CSMD1: variants seen among roughly 807,000 people sequenced by gnomAD.
CSMD1 encodes the protein CUB and sushi domain-containing protein 1.
Under a neutral mutation model 417.5 loss-of-function variants are expected in CSMD1, and 213 were observed. That is an observed-to-expected ratio of 0.51 (90% confidence interval 0.46 to 0.57). The LOEUF (loss-of-function observed/expected upper bound fraction) is 0.57, where lower values mean the gene tolerates loss of function less well. Ranked by LOEUF, CSMD1 falls within the 20% of genes least tolerant of loss-of-function variation. The probability of loss-of-function intolerance (pLI) is 0.00; values close to 1 mark genes in which losing one functional copy is unlikely to be tolerated. For missense variants in CSMD1, 6,923 were observed against 4,529.7 expected, an observed-to-expected ratio of 1.53 and a Z score of -15.17; for synonymous variants, 2,862 against 1,736.8, an observed-to-expected ratio of 1.65 and a Z score of -16.11.
chr8:4,935,211 G>A (rs1461748926), intron 1 of CSMD1, among the ~76,000 whole-genome samples: 1 of 152,134 alleles, frequency 6.6e-6, no homozygotes, highest in Non-Finnish European at 1.5e-5. Flanking sequence ...CTTCCCATAT[G>A]TGGTCCCTGG....
rs1185997648 is a variant in CSMD1, at chr8:4,056,420, T to A, written c.416-24321A>T. Among the ~76,000 whole-genome samples the A allele has an allele frequency of 3.3e-5, 5 of 151,614 alleles. No individual in the cohort carries two copies. The Middle Eastern group carries it at 9.6e-3, about 290-fold the overall frequency. On this transcript the variant is annotated intron_variant, in intron 3 of 69. Coordinates refer to ENST00000635120, the MANE Select transcript of CSMD1 (RefSeq NM_033225.6). Reference sequence around the variant, plus strand: ...TTCTTTTTTTTTTCTTTTTTTTTTGTTTGTGCCAAACTAACATTAAAATTT... The same window carrying A: ...TTCTTTTTTTTTTCTTTTTTTTTTGATTGTGCCAAACTAACATTAAAATTT...
At chr8:3,269,628 T>C (rs1376215451) in intron 26 of CSMD1, among the ~76,000 whole-genome samples, 1 of 152,210 alleles carries the variant, frequency 6.6e-6, no homozygotes, top group Non-Finnish European at 1.5e-5. Flanking sequence ...GAGCCATTTT[T>C]CCCTGGGACT....
chr8:4,031,979 C>A lies in CSMD1; in HGVS notation c.536G>T (p.Gly179Val), dbSNP rs1419430946. 5 of 1,613,848 alleles carry A rather than the reference C, an allele frequency of 3.1e-6. No individual in the cohort carries two copies. The highest frequency in any genetic ancestry group is 4.2e-6 in the Non-Finnish European group (5 of 1,179,898). Reference sequence around the variant, plus strand: ...GACGATGCAGGTCAGGATGGCGTGGCCTTCCAAGATGTAGCCAGGGAGGCA... The same window carrying A: ...GACGATGCAGGTCAGGATGGCGTGGACTTCCAAGATGTAGCCAGGGAGGCA... Reference protein sequence around the residue: ...YSCLPGYILEGHAILTCIVSP... With the variant: ...YSCLPGYILEVHAILTCIVSP... The change falls in exon 4 of 70, where the codon GGC (glycine) becomes GTC (valine). Residue 179 changes from glycine to valine, a missense_variant. Coordinates refer to ENST00000635120, the MANE Select transcript of CSMD1 (RefSeq NM_033225.6).
intron 8 of CSMD1, among the ~76,000 whole-genome samples, chr8:3,586,862 C>T (rs575245477): frequency 1.3e-5 from 2 of 152,262 alleles, no homozygotes; most frequent in East Asian, 1.9e-4. Context: ...TGCAGTGGCA[C>T]GACCTTGGCT....
At chr8:4,793,299 C>G (rs752012579) in intron 1 of CSMD1, among the ~76,000 whole-genome samples, 21 of 152,114 alleles carry the variant, frequency 1.4e-4, no homozygotes, top group Non-Finnish European at 2.6e-4. Flanking sequence ...AGAACCTATT[C>G]TCTCAAATGA....
rs538842399 is a variant in CSMD1, at chr8:3,221,205, G to A, written c.4485-1763C>T. 2.3e-4 allele frequency among the ~76,000 whole-genome samples: 35 copies of A among 152,258 alleles called. No homozygotes were observed. The East Asian group carries it at 4.8e-3, about 21-fold the overall frequency. Reference sequence around the variant, plus strand: ...CGGTGCAACGCCCAGCCTGCATTATGCCAACCTGTTTTGGGTCAAGGATAC... The same window carrying A: ...CGGTGCAACGCCCAGCCTGCATTATACCAACCTGTTTTGGGTCAAGGATAC... On this transcript the variant is annotated intron_variant, in intron 28 of 69. Transcript: ENST00000635120.
intron 5 of CSMD1, among the ~76,000 whole-genome samples, chr8:3,834,298 T>G (rs2129089476): frequency 6.6e-6 from 1 of 152,296 alleles, no homozygotes; most frequent in South Asian, 2.1e-4. Flanking sequence ...ATTCCATGAC[T>G]TCCCTTTACC....
intron 1 of CSMD1, among the ~76,000 whole-genome samples, chr8:4,750,272 G>T (rs1811229386): frequency 1.3e-5 from 2 of 152,258 alleles, no homozygotes; most frequent in East Asian, 3.9e-4. Context: ...CTCCCACAGT[G>T]CTGGGATTAC....
chr8:3,726,070 C>T (rs190836370), intron 6 of CSMD1, among the ~76,000 whole-genome samples: 1 of 152,128 alleles, frequency 6.6e-6, no homozygotes, highest in Non-Finnish European at 1.5e-5. Context: ...AACAGCCATG[C>T]CATGAGGGTA....
chr8:4,994,863 GGA>G lies in CSMD1; in HGVS notation c.-449_-448del, dbSNP rs1811674780. The G allele has an allele frequency of 6.1e-6, 1 of 164,794 alleles. No homozygotes were observed. The highest frequency in any genetic ancestry group is 2.4e-5 in the African/African-American group (1 of 41,602). 10.2% of individuals were successfully genotyped at this position (164,794 alleles called of 1,614,324 possible). A position where few individuals can be genotyped will look rare whatever the true frequency, so the allele number is the denominator to read the frequency against. Reference sequence around the variant, plus strand: ...GAGATCCAGTCTAGAGAGAAAAGGCGGAGAGCGCAGAAGAAGGGCTGCTAGTG... The same window carrying G: ...GAGATCCAGTCTAGAGAGAAAAGGCGGAGCGCAGAAGAAGGGCTGCTAGTG... On this transcript the variant is annotated 5_prime_UTR_variant, in exon 1 of 70. Coordinates refer to ENST00000635120, the MANE Select transcript of CSMD1 (RefSeq NM_033225.6).
At chr8:4,279,162 C>G (rs189254932) in intron 3 of CSMD1, among the ~76,000 whole-genome samples, 1 of 152,010 alleles carries the variant, frequency 6.6e-6, no homozygotes, top group Admixed American at 6.6e-5. Context: ...GAAATTATTC[C>G]CCATGCCAAG....
chr8:3,563,166 T>C (rs1799543302), intron 10 of CSMD1, among the ~76,000 whole-genome samples: 1 of 152,118 alleles, frequency 6.6e-6, no homozygotes, highest in Non-Finnish European at 1.5e-5. Context: ...TATTTGGCAC[T>C]GTGTGACTAC....
chr8:3,697,415 G>T (rs563147068), intron 7 of CSMD1, among the ~76,000 whole-genome samples: 2 of 152,112 alleles, frequency 1.3e-5, no homozygotes, highest in African/African-American at 2.4e-5. Flanking sequence ...TTAACTCTTG[G>T]TCTCTTCGTT....
chr8:4,079,073 A>T lies in CSMD1; in HGVS notation c.416-46974T>A, dbSNP rs559758374. On this transcript the variant is annotated intron_variant, in intron 3 of 69. Transcript: ENST00000635120. Reference sequence around the variant, plus strand: ...AAGAGTGGTCCCGAATGGAACTTATACAGCTCATTACCAGGGTCGGTTCAA... The same window carrying T: ...AAGAGTGGTCCCGAATGGAACTTATTCAGCTCATTACCAGGGTCGGTTCAA... Among the ~76,000 whole-genome samples, 35 of 151,942 alleles carry T rather than the reference A, an allele frequency of 2.3e-4. 1 individual carries two copies. The East Asian group carries it at 6.4e-3, about 28-fold the overall frequency.
intron 5 of CSMD1, among the ~76,000 whole-genome samples, chr8:3,886,776 G>T (rs1019792929): frequency 6.6e-6 from 1 of 152,186 alleles, no homozygotes; most frequent in Non-Finnish European, 1.5e-5. Context: ...CTTAGGGACA[G>T]ATATACTGCC....
chr8:4,793,046 T>A (rs1797778478), intron 1 of CSMD1, among the ~76,000 whole-genome samples: 1 of 151,938 alleles, frequency 6.6e-6, no homozygotes, highest in African/African-American at 2.4e-5. Context: ...CATTGCATAA[T>A]TTGACATTCA....
At chr8:4,404,108 C>G (rs1355738384) in intron 3 of CSMD1, among the ~76,000 whole-genome samples, 1 of 152,188 alleles carries the variant, frequency 6.6e-6, no homozygotes, top group African/African-American at 2.4e-5. Context: ...AATGGTATTT[C>G]TCCAGAATTC....
At chr8:3,319,559 C>A (rs1239663471) in intron 23 of CSMD1, among the ~76,000 whole-genome samples, 1 of 152,118 alleles carries the variant, frequency 6.6e-6, no homozygotes, top group Non-Finnish European at 1.5e-5. Context: ...AAATATAATT[C>A]TATGCTTTCA....
chr8:3,142,766 C>G (rs1264296677), intron 40 of CSMD1, 92 bp from the exon 41 acceptor site: 3 of 1,020,674 alleles, frequency 2.9e-6, no homozygotes, highest in Non-Finnish European at 4.6e-6. Flanking sequence ...AGCAGTCTCC[C>G]CAGACAATCC....
Sources: allele counts gnomAD v4.1 joint callset (sites outside exome capture counted in the v4.1 genomes callset), GRCh38; gene constraint gnomAD v4.1.1; transcripts MANE v1.5; gene names NCBI Gene and HGNC (gene_info 2026-07-23, HGNC 2026-07-21).